MAPK4: variants seen among roughly 807,000 people sequenced by gnomAD.
The protein encoded by MAPK4 is mitogen-activated protein kinase 4, also known as Erk3-related.
Under a neutral mutation model 47.7 loss-of-function variants are expected in MAPK4, and 22 were observed. The observed-to-expected ratio is 0.46, with a 90% CI of 0.33 to 0.66. The LOEUF is 0.66. MAPK4 is among the 30% of genes least tolerant of loss of function. MAPK4 has a pLI of 0.02. For missense variants in MAPK4, 736 were observed against 831.7 expected (o/e 0.88, Z 1.42); for synonymous variants, 390 against 365.7 (o/e 1.07, Z -0.76).
chr18:50,709,980 C>T (rs1251810978), intron 2 of MAPK4, among the ~76,000 whole-genome samples: 1 of 152,138 alleles, frequency 6.6e-6, no homozygotes, highest in Non-Finnish European at 1.5e-5. Context: ...GGACAGACAC[C>T]TTAGGCTCCC....
intron 1 of MAPK4, among the ~76,000 whole-genome samples, chr18:50,652,748 A>G (rs2043064195): frequency 6.6e-6 from 1 of 152,168 alleles, no homozygotes; most frequent in Non-Finnish European, 1.5e-5. Context: ...ACAGCAGTTA[A>G]AACTGAAACA....
At chr18:50,646,558 G>A (rs956483936) in intron 1 of MAPK4, among the ~76,000 whole-genome samples, 1 of 152,156 alleles carries the variant, frequency 6.6e-6, no homozygotes, top group African/African-American at 2.4e-5. Flanking sequence ...AGAGGGACGG[G>A]GGCTGCAAAG....
chr18:50,628,911 T>G (rs2042804812), intron 1 of MAPK4, among the ~76,000 whole-genome samples: 1 of 152,250 alleles, frequency 6.6e-6, no homozygotes, highest in East Asian at 1.9e-4. Context: ...TTTAGTGATT[T>G]GTCGATTTTT....
At chr18:50,658,920 G>T (rs1025077544) in intron 1 of MAPK4, among the ~76,000 whole-genome samples, 2 of 152,196 alleles carry the variant, frequency 1.3e-5, no homozygotes, top group Admixed American at 6.5e-5. Flanking sequence ...ATGAGCTAGA[G>T]GATGTTCCCA....
chr18:50,575,495 T>C (rs760882212), intron 1 of MAPK4, among the ~76,000 whole-genome samples: 14 of 152,200 alleles, frequency 9.2e-5, no homozygotes, highest in East Asian at 3.8e-4. Context: ...TATTTTTTAT[T>C]TTTATTTTTT....
intron 2 of MAPK4, among the ~76,000 whole-genome samples, chr18:50,708,381 G>A (rs1250506881): frequency 2.6e-5 from 4 of 152,116 alleles, no homozygotes; most frequent in African/African-American, 9.7e-5. Context: ...TCTGCTGCTC[G>A]GTTTGAGAAA....
intron 1 of MAPK4, among the ~76,000 whole-genome samples, chr18:50,652,213 G>A (rs956619082): frequency 6.6e-6 from 1 of 152,188 alleles, no homozygotes; most frequent in Non-Finnish European, 1.5e-5. Flanking sequence ...AGCCCCGTAT[G>A]GTCCAGGGAT....
intron 1 of MAPK4, among the ~76,000 whole-genome samples, chr18:50,602,745 G>A (rs962097807): frequency 1.3e-5 from 2 of 152,154 alleles, no homozygotes; most frequent in Non-Finnish European, 1.5e-5. Flanking sequence ...TGGTTAGAAC[G>A]ATTGTCTAGG....
Position 50,664,027 on chromosome 18 carries a change from C to A in MAPK4, c.69C>A (p.Phe23Leu), listed in dbSNP as rs1907437231. The A allele has an allele frequency of 6.2e-7, 1 of 1,612,816 alleles. No individual in the cohort carries two copies. ...ACCTCGGTGGGCGCTTTGTTGACTT[C>A]CAACCCCTGGGCTTCGGTGTCAATG... The part of the protein sequence containing the change: ...GYDLGGRFVD[F>L]QPLGFGVNGL... The change falls in exon 2 of 6, where the codon TTC becomes TTA. Residue 23 changes from phenylalanine to leucine, a missense_variant. Coordinates refer to ENST00000400384, the MANE Select transcript of MAPK4 (RefSeq NM_002747.4). This position sits in a 1 kb window ranked among gnomAD's most constrained non-coding sequence, Gnocchi z 6.0.
At position 50,621,472 on chromosome 18, in the gene MAPK4, T is replaced by C. The variant is rs137947494; in HGVS notation, c.-870-41617T>C. On this transcript the variant is annotated intron_variant, in intron 1 of 5. Transcript: ENST00000400384. ...ATCCTAATGGCAGAGGCTGCTATTA[T>C]AGGTTTGGGGCCAGCAGAATTACTT... 3.4e-4 allele frequency among the ~76,000 whole-genome samples: 51 copies of C among 152,234 alleles called. No individual in the cohort carries two copies. In the East Asian group the frequency reaches 8.3e-3, roughly 25 times the overall value.
intron 1 of MAPK4, among the ~76,000 whole-genome samples, chr18:50,624,364 C>T (rs2042757905): frequency 6.6e-6 from 1 of 152,172 alleles, no homozygotes; most frequent in Non-Finnish European, 1.5e-5. Context: ...TTATAATTTG[C>T]AAATATTTTA....
intron 1 of MAPK4, among the ~76,000 whole-genome samples, chr18:50,622,426 C>T (rs2042740342): frequency 6.6e-6 from 1 of 152,140 alleles, no homozygotes; most frequent in African/African-American, 2.4e-5. Context: ...GTTGGAGGCC[C>T]TTTGTATTTT....
Position 50,711,824 on chromosome 18 carries a change from G to GTTTTT in MAPK4, c.547-3243_547-3239dup, listed in dbSNP as rs35984682. Among the ~76,000 whole-genome samples the GTTTTT allele has an allele frequency of 6.1e-3, 863 of 140,996 alleles. 9 individuals are homozygous for GTTTTT. The highest frequency in any genetic ancestry group is 0.021 in the African/African-American group (801 of 38,086). The allele number at this position is 140,996 out of a possible 152,430, so 92.5% of individuals were successfully genotyped here. A position where few individuals can be genotyped will look rare whatever the true frequency, so the allele number is the denominator to read the frequency against. ...TCTCGACTTCTGGGTATTCTTTAAA[G>GTTTTT]TTTTTTTTTTTTTTTTGTAGAAAAT... is the stretch of plus-strand genomic sequence containing the variant. On this transcript the variant is annotated intron_variant, in intron 2 of 5. Coordinates refer to ENST00000400384, the MANE Select transcript of MAPK4 (RefSeq NM_002747.4).
chr18:50,713,544 G>T (rs62092227), intron 2 of MAPK4, among the ~76,000 whole-genome samples: 14 of 152,220 alleles, frequency 9.2e-5, no homozygotes, highest in Non-Finnish European at 1.6e-4. Context: ...TTCTTAGGAG[G>T]CATGGGGCTG....
intron 1 of MAPK4, among the ~76,000 whole-genome samples, chr18:50,649,642 G>C (rs972079181): frequency 2.0e-5 from 3 of 152,200 alleles, no homozygotes; most frequent in African/African-American, 7.2e-5. Context: ...ACTTTTCTGA[G>C]CCCCAAGTTG....
In MAPK4 at chr18:50,610,740, T is replaced by A. The variant is rs372929917; in HGVS notation, c.-871+50497T>A. 2.6e-4 allele frequency among the ~76,000 whole-genome samples: 39 copies of A among 152,280 alleles called. No individual in the cohort carries two copies. The East Asian group carries it at 7.2e-3, about 28-fold the overall frequency. On this transcript the variant is annotated intron_variant, in intron 1 of 5. Transcript: ENST00000400384. ...TAAAACGATGAGACTGAACAGATGG[T>A]GTGCAGGGAGCGAATGATACTCCCA...
intron 1 of MAPK4, among the ~76,000 whole-genome samples, chr18:50,635,772 G>A (rs72919751): frequency 0.013 from 1,998 of 152,202 alleles, 23 homozygotes; most frequent in Non-Finnish European, 0.022. Context: ...CCATGGTCTG[G>A]TCCACGGGTG....
chr18:50,598,567 G>A (rs571190691), intron 1 of MAPK4, among the ~76,000 whole-genome samples: 26 of 152,174 alleles, frequency 1.7e-4, no homozygotes, highest in Non-Finnish European at 3.1e-4. Flanking sequence ...TTTATGGATA[G>A]CTTTGGTTTA....
intron 4 of MAPK4, 104 bp downstream of exon 4, chr18:50,722,203 G>A (rs1184675860): frequency 2.3e-6 from 3 of 1,295,712 alleles, no homozygotes; most frequent in Non-Finnish European, 3.1e-6. Flanking sequence ...GGCAAAGCAT[G>A]GTCCTTGGAT....
Sources: allele counts gnomAD v4.1 joint callset (sites outside exome capture counted in the v4.1 genomes callset), GRCh38; gene constraint gnomAD v4.1.1; non-coding constraint Gnocchi (gnomAD v3.1); transcripts MANE v1.5; gene names NCBI Gene and HGNC (gene_info 2026-07-23, HGNC 2026-07-21).